PTPRT: variants seen among roughly 807,000 people sequenced by gnomAD.
The protein encoded by PTPRT is receptor-type tyrosine-protein phosphatase T.
Under a neutral mutation model 176.8 loss-of-function variants are expected in PTPRT, and 56 were observed. The observed-to-expected ratio is 0.32, with a 90% confidence interval of 0.26 to 0.40. The LOEUF is 0.40. Ranked by LOEUF, PTPRT falls within the 10% of genes least tolerant of loss-of-function variation. The probability of loss-of-function intolerance (pLI) is 1.00; values close to 1 mark genes in which losing one functional copy is unlikely to be tolerated. For missense variants in PTPRT, 1,540 were observed against 1,908.2 expected, an observed-to-expected ratio of 0.81 and a Z score of 3.60; for synonymous variants, 783 against 739.0, an observed-to-expected ratio of 1.06 and a Z score of -0.96.
intron 8 of PTPRT, among the ~76,000 whole-genome samples, chr20:42,453,715 G>C (rs1237140292): frequency 1.4e-5 from 2 of 144,412 alleles, no homozygotes; most frequent in African/African-American, 5.2e-5. Flanking sequence ...TTGTCACCCA[G>C]ACTGGAGGGC....
chr20:42,249,288 G>T (rs2056509435), intron 13 of PTPRT, among the ~76,000 whole-genome samples: 1 of 152,090 alleles, frequency 6.6e-6, no homozygotes, highest in African/African-American at 2.4e-5. Context: ...ATAAAAAGAG[G>T]TTTTTGTTTT....
intron 2 of PTPRT, among the ~76,000 whole-genome samples, chr20:42,847,992 C>T (rs2078405086): frequency 6.6e-6 from 1 of 152,176 alleles, no homozygotes; most frequent in African/African-American, 2.4e-5. Context: ...CCCCTCCCAC[C>T]CTTTCCCCGA....
chr20:42,827,731 T>C (rs1483770070), intron 2 of PTPRT, among the ~76,000 whole-genome samples: 1 of 152,102 alleles, frequency 6.6e-6, no homozygotes, highest in African/African-American at 2.4e-5. Context: ...CTCATAATAG[T>C]GTGTGAGTTC....
At chr20:42,155,254 G>T (rs1175155985) in intron 17 of PTPRT, among the ~76,000 whole-genome samples, 2 of 152,190 alleles carry the variant, frequency 1.3e-5, no homozygotes, top group African/African-American at 2.4e-5. Flanking sequence ...CAAATTGAAG[G>T]CCTCTGACTG....
chr20:42,397,412 G>A (rs547405818), intron 9 of PTPRT, among the ~76,000 whole-genome samples: 2 of 152,172 alleles, frequency 1.3e-5, no homozygotes, highest in African/African-American at 2.4e-5. Context: ...GGTAGTGAGT[G>A]TAGTACCCAA....
chr20:42,768,022 ACACT>A (rs2077009351), intron 5 of PTPRT, among the ~76,000 whole-genome samples: 1 of 146,136 alleles, frequency 6.8e-6, no homozygotes, highest in African/African-American at 2.5e-5. Context: ...ACACACACAC[ACACT>A]GCTTCTCTGG....
At chr20:42,898,528 C>A (rs1392676184) in intron 1 of PTPRT, among the ~76,000 whole-genome samples, 1 of 152,110 alleles carries the variant, frequency 6.6e-6, no homozygotes, top group Non-Finnish European at 1.5e-5. Context: ...CTTCTGACAT[C>A]CTATGGGACT....
intron 2 of PTPRT, among the ~76,000 whole-genome samples, chr20:42,795,352 C>T (rs903851417): frequency 2.6e-5 from 4 of 152,158 alleles, no homozygotes; most frequent in Admixed American, 1.3e-4. Flanking sequence ...TTGATAAGCG[C>T]CTCGTTATTG....
intron 2 of PTPRT, among the ~76,000 whole-genome samples, chr20:42,837,850 G>C (rs1438646201): frequency 6.6e-6 from 1 of 152,146 alleles, no homozygotes; most frequent in Non-Finnish European, 1.5e-5. Context: ...CATTTAGGAG[G>C]AAAACGGGAT....
At chr20:42,838,836 C>T (rs2078226809) in intron 2 of PTPRT, among the ~76,000 whole-genome samples, 1 of 152,170 alleles carries the variant, frequency 6.6e-6, no homozygotes, top group Non-Finnish European at 1.5e-5. Context: ...GCCCGCCCAG[C>T]CGTGTCCCCC....
intron 26 of PTPRT, among the ~76,000 whole-genome samples, chr20:42,100,716 C>T (rs1985849717): frequency 6.6e-6 from 1 of 152,184 alleles, no homozygotes; most frequent in Non-Finnish European, 1.5e-5. Context: ...CACACTCACA[C>T]ACATAATGCA....
rs567039220 is a variant in PTPRT at position 42,126,623 on chromosome 20, A to C, written c.2847+2131T>G. Among the ~76,000 whole-genome samples the C allele has an allele frequency of 7.9e-5, 12 of 152,252 alleles. No homozygotes were observed. In the South Asian group the frequency reaches 2.3e-3, roughly 29 times the overall value. ...TCACTGGCTACTTCCCTTTCCCACC[A>C]ACTTGAAGCTTTGATTTTCCTTTAT... is the stretch of plus-strand genomic sequence containing the variant. On this transcript the variant is annotated intron_variant, in intron 19 of 30. Coordinates refer to ENST00000373187, the MANE Select transcript of PTPRT (RefSeq NM_007050.6).
rs529450427 is a variant in PTPRT at position 42,380,456 on chromosome 20, G to A, written c.1561-28171C>T. On this transcript the variant is annotated intron_variant, in intron 9 of 30. Coordinates refer to ENST00000373187, the MANE Select transcript of PTPRT (RefSeq NM_007050.6). The stretch of plus-strand genomic sequence containing the variant: ...ACTTCCCTTAGCCCCAGGCCTGCCT[G>A]GCCTGGTTGGTTTCAGATAGTTCCC... 2.6e-5 allele frequency among the ~76,000 whole-genome samples: 4 copies of A among 152,278 alleles called. No homozygotes were observed. In the East Asian group the frequency reaches 7.7e-4, roughly 29 times the overall value.
At chr20:42,485,864 C>T (rs1401874988) in intron 7 of PTPRT, among the ~76,000 whole-genome samples, 3 of 152,166 alleles carry the variant, frequency 2.0e-5, no homozygotes, top group Non-Finnish European at 4.4e-5. Context: ...TGAAGGAACA[C>T]TTTCAAATGA....
chr20:42,118,568 C>A, intron 20 of PTPRT, 68 bp from the exon 21 acceptor site: 2 of 1,425,904 alleles, frequency 1.4e-6, no homozygotes, highest in Non-Finnish European at 1.9e-6. Flanking sequence ...AGGTTTGTCC[C>A]CCCGGTTGGT....
chr20:42,993,580 A>AC (rs1568722811), intron 1 of PTPRT, among the ~76,000 whole-genome samples: 2 of 148,070 alleles, frequency 1.4e-5, no homozygotes, highest in East Asian at 2.0e-4. Flanking sequence ...ATATATATAC[A>AC]ATCTGCCATA....
At chr20:42,842,066 T>C (rs945258864) in intron 2 of PTPRT, among the ~76,000 whole-genome samples, 2 of 152,214 alleles carry the variant, frequency 1.3e-5, no homozygotes, top group Middle Eastern at 3.2e-3. Flanking sequence ...ATTCCACATC[T>C]CTTAAGTTTT....
At chr20:42,357,599 A>G (rs1415012385) in intron 9 of PTPRT, among the ~76,000 whole-genome samples, 1 of 152,168 alleles carries the variant, frequency 6.6e-6, no homozygotes, top group Non-Finnish European at 1.5e-5. Flanking sequence ...AAGGCTCCAG[A>G]ATGTCCATGA....
intron 7 of PTPRT, among the ~76,000 whole-genome samples, chr20:42,498,724 A>G (rs1442717878): frequency 6.6e-6 from 1 of 151,920 alleles, no homozygotes; most frequent in Admixed American, 6.6e-5. Flanking sequence ...CCACAACTCG[A>G]CCTCTCTTAC....
Sources: allele counts gnomAD v4.1 joint callset (sites outside exome capture counted in the v4.1 genomes callset), GRCh38; gene constraint gnomAD v4.1.1; transcripts MANE v1.5; gene names NCBI Gene and HGNC (gene_info 2026-07-23, HGNC 2026-07-21).